The following NEMP1 variants were observed in gnomAD, a reference collection of about 807,000 sequenced individuals.
The protein encoded by NEMP1 is nuclear envelope integral membrane protein 1, also known as transmembrane protein 194.
A neutral mutation model predicts 53.7 loss-of-function variants in NEMP1; 29 were observed. That is an observed-to-expected ratio of 0.54 (90% CI 0.40 to 0.74). NEMP1 has a LOEUF of 0.74. Among genes scored for constraint, NEMP1 ranks in the 30% least tolerant of loss-of-function variants. The pLI, the probability that NEMP1 is intolerant of heterozygous loss-of-function variation, is 0.00. For missense variants in NEMP1, 477 were observed against 528.6 expected, an observed-to-expected ratio of 0.90 and a Z score of 0.96; for synonymous variants, 193 against 192.9, an observed-to-expected ratio of 1.00 and a Z score of 0.00.
intron 3 of NEMP1, 87 bp from the exon 4 acceptor site, chr12:57,069,393 C>G: frequency 1.2e-6 from 1 of 823,754 alleles, no homozygotes; most frequent in Non-Finnish European, 1.8e-6. Flanking sequence ...CACTATTGGT[C>G]AGCTACAGTA....
At chr12:57,063,042 A>G (rs1410080174) in intron 7 of NEMP1, 77 bp downstream of exon 7, 1 of 1,150,520 alleles carries the variant, frequency 8.7e-7, no homozygotes, top group African/African-American at 1.5e-5. Flanking sequence ...TCCCAGGTCA[A>G]CACCTCTGTA....
chr12:57,064,273 T>TA (rs998695482), intron 5 of NEMP1, 88 bp from the exon 6 acceptor site: 40 of 785,302 alleles, frequency 5.1e-5, no homozygotes, highest in Middle Eastern at 2.4e-4. Flanking sequence ...ATTTTTTTTT[T>TA]AAAAAATTCA....
At chr12:57,081,781 C>T (rs942180128), upstream of NEMP1, among the ~76,000 whole-genome samples, 10 of 150,642 alleles carry the variant, frequency 6.6e-5, no homozygotes, top group African/African-American at 2.4e-4. Context: ...GTGGCAGGTA[C>T]CTGTAGTCCC....
At position 57,056,827 on chromosome 12, in the gene NEMP1, A is replaced by G. The variant is rs1053929589; in HGVS notation, c.*3052T>C. ...ATACATGCCAAGGGTTAAAGGGAAC[A>G]CCATCAGTCAAGAGACGGCTGGGCC... On this transcript the variant is annotated 3_prime_UTR_variant, in exon 9 of 9. Transcript: ENST00000300128. 7.9e-5 allele frequency: 12 copies of G among 152,242 alleles called. No homozygotes were observed. The highest frequency in any genetic ancestry group is 2.9e-4 in the African/African-American group (12 of 41,458). 9.4% of individuals were successfully genotyped at this position (152,242 alleles called of 1,614,324 possible).
At chr12:57,086,535 C>CA (rs572853037) in intron 1 of NEMP1, among the ~76,000 whole-genome samples, 14 of 151,788 alleles carry the variant, frequency 9.2e-5, no homozygotes, top group East Asian at 1.9e-4. Context: ...ACTCCCCCCC[C>CA]CCCACACACA....
intron 8 of NEMP1, among the ~76,000 whole-genome samples, chr12:57,060,482 G>A (rs1047435825): frequency 6.6e-6 from 1 of 152,118 alleles, no homozygotes; most frequent in Non-Finnish European, 1.5e-5. Context: ...AAGTGGGTAG[G>A]GGGGAACCCT....
chr12:57,064,059 G>T lies in NEMP1; in HGVS notation c.754+12C>A. The T allele has an allele frequency of 6.5e-7, 1 of 1,535,150 alleles. No individual in the cohort carries two copies. Among genetic ancestry groups the T allele is most frequent in the Non-Finnish European group, 8.9e-7 (1 of 1,119,194 alleles). On this transcript the variant is annotated intron_variant, in intron 6 of 8. Coordinates refer to ENST00000300128, the MANE Select transcript of NEMP1 (RefSeq NM_001130963.2). Reference sequence around the variant, plus strand: ...AAACGTACAAAAGGAAAGCAAAACCGACAACACTTACTTAAAAGATACTGC... The same window carrying T: ...AAACGTACAAAAGGAAAGCAAAACCTACAACACTTACTTAAAAGATACTGC...
chr12:57,060,711 C>A, intron 8 of NEMP1, 61 bp downstream of exon 8: 1 of 1,519,918 alleles, frequency 6.6e-7, no homozygotes, highest in Non-Finnish European at 8.9e-7. Context: ...AGTATGATCT[C>A]TGGTAGAACT....
intron 7 of NEMP1, 151 bp downstream of exon 7, chr12:57,062,968 A>C: frequency 1.8e-6 from 1 of 558,384 alleles, no homozygotes; most frequent in South Asian, 3.2e-5. Context: ...AAAAAAAAAA[A>C]AATAGACTCG....
chr12:57,074,465 T>C, intron 1 of NEMP1, among the ~76,000 whole-genome samples: 1 of 152,026 alleles, frequency 6.6e-6, no homozygotes, highest in East Asian at 1.9e-4. Flanking sequence ...CTAACTTTTT[T>C]TGTGTGTGTG....
At chr12:57,061,456 G>A (rs1288758493) in intron 7 of NEMP1, among the ~76,000 whole-genome samples, 6 of 152,148 alleles carry the variant, frequency 3.9e-5, no homozygotes, top group Admixed American at 3.9e-4. Flanking sequence ...CACTTTGGGA[G>A]GCCAAGGCAG....
intron 4 of NEMP1, among the ~76,000 whole-genome samples, chr12:57,066,808 C>T (rs2032100588): frequency 6.7e-6 from 1 of 150,176 alleles, no homozygotes; most frequent in Middle Eastern, 3.4e-3. Flanking sequence ...TGCCCTCATA[C>T]TGTTCTCATG....
In NEMP1 at chr12:57,060,908, G is replaced by A. The variant is rs750309777; in HGVS notation, c.1018C>T (p.Arg340Cys). The A allele has an allele frequency of 2.5e-6, 4 of 1,614,094 alleles. No homozygotes were observed. Among genetic ancestry groups the A allele is most frequent in the Non-Finnish European group, 3.4e-6 (4 of 1,180,006 alleles). Reference sequence around the variant, plus strand: ...CGATATTCTTCTTCTGTCAGGAGACGAGGGGGAACAGGCTTTTCTGCTCCC... The same window carrying A: ...CGATATTCTTCTTCTGTCAGGAGACAAGGGGGAACAGGCTTTTCTGCTCCC... The part of the protein sequence containing the change: ...CKGAEKPVPP[R>C]LLTEEEYRIQ... The change falls in exon 8 of 9, where the codon CGT (arginine) becomes TGT (cysteine). Residue 340 changes from arginine to cysteine, a missense_variant. Arg to Cys is a radical substitution (Grantham distance 180, BLOSUM62 -3). Transcript: ENST00000300128.
At chr12:57,069,794 C>T (rs560041646) in intron 3 of NEMP1, among the ~76,000 whole-genome samples, 81 of 150,658 alleles carry the variant, frequency 5.4e-4, no homozygotes, top group African/African-American at 1.7e-3. Flanking sequence ...AAAGCCTACA[C>T]GCAAATACCT....
rs2136470630 is a variant in NEMP1 at position 57,055,705 on chromosome 12, T to G, written c.*4174A>C. ...TATACCAAAAACTTTAAAAATACAT[T>G]AAGACATTGTTCTTTTTTCTTACAG... is the stretch of plus-strand genomic sequence containing the variant. On this transcript the variant is annotated 3_prime_UTR_variant, in exon 9 of 9. Coordinates refer to ENST00000300128, the MANE Select transcript of NEMP1 (RefSeq NM_001130963.2). The G allele has an allele frequency of 6.6e-6, 1 of 152,330 alleles. No individual in the cohort carries two copies. The highest frequency in any genetic ancestry group is 2.4e-5 in the African/African-American group (1 of 41,578). The allele number at this position is 152,330 out of a possible 1,614,324, so 9.4% of individuals were successfully genotyped here. A position where few individuals can be genotyped will look rare whatever the true frequency, so the allele number is the denominator to read the frequency against.
At position 57,064,312 on chromosome 12, in the gene NEMP1, C is replaced by T. The variant is rs564350048; in HGVS notation, c.640-127G>A. 22 of 605,868 alleles carry T rather than the reference C, an allele frequency of 3.6e-5. 1 individual carries two copies. In the South Asian group the frequency reaches 4.9e-4, roughly 14 times the overall value. The allele number at this position is 605,868 out of a possible 1,614,324, so 37.5% of individuals were successfully genotyped here. A position where few individuals can be genotyped will look rare whatever the true frequency, so the allele number is the denominator to read the frequency against. ...TACTCAAAATGCACAAAAAACACTT[C>T]TCTTAAAAAGATGTCCTTTATACTT... On this transcript the variant is annotated intron_variant, in intron 5 of 8. Transcript: ENST00000300128.
Position 57,058,583 on chromosome 12 carries a change from C to A in NEMP1, c.*1296G>T, listed in dbSNP as rs886249319. On this transcript the variant is annotated 3_prime_UTR_variant, in exon 9 of 9. Transcript: ENST00000300128. ...AAAGAATCTGAAACTAATGCTACTG[C>A]AATAACAGGCAGCATACATCTCAGG... is the stretch of plus-strand genomic sequence containing the variant. The A allele has an allele frequency of 2.0e-5, 3 of 152,158 alleles. No homozygotes were observed. Among genetic ancestry groups the A allele is most frequent in the African/African-American group, 7.2e-5 (3 of 41,442 alleles). 9.4% of individuals were successfully genotyped at this position (152,158 alleles called of 1,614,324 possible). A position where few individuals can be genotyped will look rare whatever the true frequency, so the allele number is the denominator to read the frequency against.
chr12:57,058,199 GAA>G lies in NEMP1; in HGVS notation c.*1678_*1679del, dbSNP rs2031622055. On this transcript the variant is annotated 3_prime_UTR_variant, in exon 9 of 9. Transcript: ENST00000300128. ...TCACTTAGGACAGTTTAAGGCTCTG[GAA>G]AACACTGGTGGAAATAATCAACTGC... The G allele has an allele frequency of 6.6e-6, 1 of 152,178 alleles. No homozygotes were observed. The highest frequency in any genetic ancestry group is 2.1e-4 in the South Asian group (1 of 4,822). 9.4% of individuals were successfully genotyped at this position (152,178 alleles called of 1,614,324 possible).
At chr12:57,066,187 G>A (rs1242202307) in intron 4 of NEMP1, among the ~76,000 whole-genome samples, 2 of 152,030 alleles carry the variant, frequency 1.3e-5, no homozygotes, top group South Asian at 2.1e-4. Context: ...CCTGGGAGGC[G>A]GAGCTTGCAG....
Sources: gnomAD v4.1 joint callset for allele counts (sites outside exome capture counted in the v4.1 genomes callset) on GRCh38, gnomAD v4.1.1 for gene constraint, MANE v1.5 for transcripts, NCBI Gene and HGNC (gene_info 2026-07-23, HGNC 2026-07-21) for gene names.